Variants in SCUBE1 observed in about 807,000 individuals in gnomAD.
SCUBE1 encodes signal peptide, CUB and EGF-like domain-containing protein 1.
SCUBE1 carries 59 observed loss-of-function variants against 124.4 expected under a neutral mutation model. The observed-to-expected ratio is 0.47, with a 90% confidence interval of 0.38 to 0.59. The LOEUF (loss-of-function observed/expected upper bound fraction) is 0.59, where lower values mean the gene tolerates loss of function less well. SCUBE1 is among the 20% of genes least tolerant of loss of function. The probability of loss-of-function intolerance (pLI) is 0.00; values close to 1 mark genes in which losing one functional copy is unlikely to be tolerated. For synonymous variants in SCUBE1, 545 were observed against 550.9 expected (o/e 0.99, Z 0.15); for missense variants, 1,150 against 1,371.2 (o/e 0.84, Z 2.55).
chr22:43,305,984 A>T (rs2146768904), intron 3 of SCUBE1, among the ~76,000 whole-genome samples: 1 of 152,338 alleles, frequency 6.6e-6, no homozygotes, highest in South Asian at 2.1e-4. Context: ...GTGCCAGGGC[A>T]GCCTGATGCA....
At position 43,281,477 on chromosome 22, in the gene SCUBE1, C is replaced by T. The variant is rs1230498413; in HGVS notation, c.484+9569G>A. ...ATCTCCCTCAGCCACCCTCCTGTCA[C>T]CTCCCTCTTTGGCCACCCTCCTGTC... On this transcript the variant is annotated intron_variant, in intron 4 of 21. Transcript: ENST00000360835. Among the ~76,000 whole-genome samples the T allele has an allele frequency of 6.3e-4, 68 of 108,158 alleles. 4 individuals are homozygous for T. Among genetic ancestry groups the T allele is most frequent in the African/African-American group, 3.6e-3 (60 of 16,518 alleles). 71.0% of individuals were successfully genotyped at this position (108,158 alleles called of 152,430 possible). A position where few individuals can be genotyped will look rare whatever the true frequency, so the allele number is the denominator to read the frequency against.
chr22:43,280,774 C>T (rs1924781158), intron 4 of SCUBE1, among the ~76,000 whole-genome samples: 1 of 131,238 alleles, frequency 7.6e-6, no homozygotes, highest in African/African-American at 3.3e-5. Flanking sequence ...ATTGGCCACC[C>T]TCCTGTCATC....
chr22:43,277,123 A>T (rs1376729745), intron 4 of SCUBE1, among the ~76,000 whole-genome samples: 1 of 150,912 alleles, frequency 6.6e-6, no homozygotes, highest in Non-Finnish European at 1.5e-5. Flanking sequence ...GGGGATCAGG[A>T]GGTGTGCGGG....
At chr22:43,315,802 C>A (rs1221386945) in intron 3 of SCUBE1, among the ~76,000 whole-genome samples, 2 of 152,158 alleles carry the variant, frequency 1.3e-5, no homozygotes, top group Admixed American at 6.5e-5. Context: ...TCAGTGTAAA[C>A]ATAATCCATT....
chr22:43,253,503 T>C (rs932438569), intron 6 of SCUBE1, among the ~76,000 whole-genome samples: 5 of 152,060 alleles, frequency 3.3e-5, no homozygotes, highest in African/African-American at 1.2e-4. Flanking sequence ...ATTCTGATAA[T>C]CATAGAGGTG....
At chr22:43,214,963 C>T (rs1921746306) in intron 15 of SCUBE1, among the ~76,000 whole-genome samples, 1 of 152,144 alleles carries the variant, frequency 6.6e-6, no homozygotes, top group Admixed American at 6.5e-5. Context: ...GGCATGAATT[C>T]ATGGTTTTAG....
At chr22:43,331,397 A>C (rs961477365) in intron 2 of SCUBE1, among the ~76,000 whole-genome samples, 4 of 152,310 alleles carry the variant, frequency 2.6e-5, no homozygotes, top group Admixed American at 2.6e-4. Context: ...CAAGAGTTTT[A>C]ATTATAGCAT....
intron 2 of SCUBE1, among the ~76,000 whole-genome samples, chr22:43,335,808 A>ATGATGATGATGG (rs201513758): frequency 7.2e-6 from 1 of 139,128 alleles, no homozygotes; most frequent in African/African-American, 3.2e-5. Flanking sequence ...GATGGTGATG[A>ATGATGATGATGG]TGATGATGAT....
At chr22:43,220,641 T>G (rs899333189) in intron 13 of SCUBE1, 54 bp from the exon 14 acceptor site, 13 of 1,594,996 alleles carry the variant, frequency 8.2e-6, no homozygotes, top group Non-Finnish European at 1.0e-5. Flanking sequence ...GGGAGCAAGG[T>G]CCTACCAAGC....
chr22:43,263,038 T>C (rs1357703621), intron 4 of SCUBE1, among the ~76,000 whole-genome samples, 193 bp from the exon 5 acceptor site: 1 of 152,172 alleles, frequency 6.6e-6, no homozygotes, highest in African/African-American at 2.4e-5. Context: ...GGATATCCCT[T>C]AGGGAGAAAG....
At chr22:43,227,632 C>T in intron 9 of SCUBE1, 136 bp from the exon 10 acceptor site, 1 of 1,098,758 alleles carries the variant, frequency 9.1e-7, no homozygotes, top group African/African-American at 1.5e-5. Context: ...TGCAGATGAG[C>T]AGTGCACACG....
intron 4 of SCUBE1, among the ~76,000 whole-genome samples, chr22:43,280,350 CGA>C (rs1924717938): frequency 1.3e-5 from 2 of 151,866 alleles, no homozygotes; most frequent in South Asian, 4.2e-4. Context: ...AGGGCTCTGC[CGA>C]GAGTCAGCTC....
In SCUBE1 at chr22:43,198,621, A is replaced by G. The variant is rs1920959312; in HGVS notation, c.*5376T>C. ...CCTGAATGATGTCGGCTCGGCATGG[A>G]CACCTTGTGCATCTTTGGTGAAAAG... On this transcript the variant is annotated 3_prime_UTR_variant, in exon 22 of 22. Coordinates refer to ENST00000360835, the MANE Select transcript of SCUBE1 (RefSeq NM_173050.5). The G allele has an allele frequency of 2.2e-6, 1 of 456,566 alleles. No individual in the cohort carries two copies. Among genetic ancestry groups the G allele is most frequent in the African/African-American group, 2.0e-5 (1 of 50,044 alleles). 28.3% of individuals were successfully genotyped at this position (456,566 alleles called of 1,614,324 possible).
At chr22:43,235,644 C>T (rs1318923890) in intron 7 of SCUBE1, among the ~76,000 whole-genome samples, 14 of 152,232 alleles carry the variant, frequency 9.2e-5, no homozygotes, top group African/African-American at 3.1e-4. Flanking sequence ...TGCAGGCTCC[C>T]GCTGAGGAAG....
chr22:43,257,594 G>A (rs935669709), intron 6 of SCUBE1, among the ~76,000 whole-genome samples: 6 of 152,148 alleles, frequency 3.9e-5, no homozygotes, highest in East Asian at 1.9e-4. Context: ...CGGGAAGAGC[G>A]GACTTCAGGT....
At chr22:43,292,712 C>T (rs972193990) in intron 3 of SCUBE1, among the ~76,000 whole-genome samples, 4 of 152,178 alleles carry the variant, frequency 2.6e-5, no homozygotes, top group African/African-American at 9.6e-5. Flanking sequence ...TGGGAGAGGA[C>T]TTGGCTGTGG....
intron 8 of SCUBE1, among the ~76,000 whole-genome samples, chr22:43,229,691 G>A (rs1922475810): frequency 6.6e-6 from 1 of 152,192 alleles, no homozygotes; most frequent in Non-Finnish European, 1.5e-5. Flanking sequence ...AAAAAGAGAA[G>A]AGGAAATATG....
At chr22:43,340,117 C>T (rs377235412) in intron 1 of SCUBE1, among the ~76,000 whole-genome samples, 3 of 151,682 alleles carry the variant, frequency 2.0e-5, no homozygotes, top group South Asian at 2.1e-4. Flanking sequence ...GTCACCTGAA[C>T]GTGGGATCCC....
At chr22:43,279,843 G>C (rs1226240446) in intron 4 of SCUBE1, among the ~76,000 whole-genome samples, 1 of 152,206 alleles carries the variant, frequency 6.6e-6, no homozygotes, top group Non-Finnish European at 1.5e-5. Flanking sequence ...CAAGGGGGTG[G>C]AATGCAGAGG....
Sources: allele counts gnomAD v4.1 joint callset (sites outside exome capture counted in the v4.1 genomes callset), GRCh38; gene constraint gnomAD v4.1.1; transcripts MANE v1.5; gene names NCBI Gene and HGNC (gene_info 2026-07-23, HGNC 2026-07-21).